Variants in FAM117B observed in about 807,000 individuals in gnomAD.
FAM117B encodes the protein family with sequence similarity 117 member B, also known as protein FAM117B.
A neutral mutation model predicts 52.8 loss-of-function variants in FAM117B; 22 were observed. The ratio of observed to expected loss-of-function variants is 0.42; its 90% confidence interval spans 0.30 to 0.59. The LOEUF (loss-of-function observed/expected upper bound fraction) is 0.59, where lower values mean the gene tolerates loss of function less well. Ranked by LOEUF, FAM117B falls within the 20% of genes least tolerant of loss-of-function variation. FAM117B has a pLI of 0.22. For missense variants in FAM117B, 678 were observed against 802.6 expected, an observed-to-expected ratio of 0.84 and a Z score of 1.88; for synonymous variants, 309 against 324.1, an observed-to-expected ratio of 0.95 and a Z score of 0.50.
intron 1 of FAM117B, among the ~76,000 whole-genome samples, chr2:202,676,180 A>G (rs552631300): frequency 6.6e-6 from 1 of 152,156 alleles, no homozygotes; most frequent in South Asian, 2.1e-4. Flanking sequence ...GTGGCCAACA[A>G]CAGTCAGCAC....
rs1219743876 is a variant in FAM117B, at chr2:202,644,053, G to GTTTTTTTTTTTTTTTT, written c.601+8275_601+8276insTTTTTTTTTTTTTTTT. Among the ~76,000 whole-genome samples, 9 of 60,154 alleles carry GTTTTTTTTTTTTTTTT rather than the reference G, an allele frequency of 1.5e-4. 1 individual carries two copies. The highest frequency in any genetic ancestry group is 4.8e-4 in the African/African-American group (6 of 12,566). 39.5% of individuals were successfully genotyped at this position (60,154 alleles called of 152,430 possible). ...ATGCTATACTACTGCTTTAGGAGCT[G>GTTTTTTTTTTTTTTTT]TTTTTTTTTTGTTTTTTTTTTTTTT... On this transcript the variant is annotated intron_variant, in intron 1 of 7. Transcript: ENST00000392238.
At chr2:202,650,624 C>A (rs938202730) in intron 1 of FAM117B, among the ~76,000 whole-genome samples, 4 of 152,122 alleles carry the variant, frequency 2.6e-5, no homozygotes, top group Non-Finnish European at 5.9e-5. Context: ...GTCCGAGTCC[C>A]AAAACCTTAA....
chr2:202,645,471 A>G (rs907208631), intron 1 of FAM117B, among the ~76,000 whole-genome samples: 1 of 144,386 alleles, frequency 6.9e-6, no homozygotes, highest in African/African-American at 2.6e-5. Flanking sequence ...TTGTATTTTT[A>G]GTAGAGACGG....
At chr2:202,700,708 A>G (rs1452282624) in intron 2 of FAM117B, among the ~76,000 whole-genome samples, 1 of 141,640 alleles carries the variant, frequency 7.1e-6, no homozygotes, top group East Asian at 2.0e-4. Context: ...TTTTTTTGAG[A>G]TGGAGTCTTG....
chr2:202,648,508 C>T (rs1689903245), intron 1 of FAM117B, among the ~76,000 whole-genome samples: 1 of 96,960 alleles, frequency 1.0e-5, no homozygotes, highest in South Asian at 3.2e-4. Flanking sequence ...CAGAGCGAGA[C>T]TCTGTCCCCA....
intron 2 of FAM117B, among the ~76,000 whole-genome samples, chr2:202,721,979 TATAAG>T (rs1308011126): frequency 6.6e-6 from 1 of 151,554 alleles, no homozygotes; most frequent in Non-Finnish European, 1.5e-5. Flanking sequence ...TAAAAATTCA[TATAAG>T]AGAAGCATCT....
At chr2:202,658,148 A>G (rs1022081503) in intron 1 of FAM117B, among the ~76,000 whole-genome samples, 1 of 152,168 alleles carries the variant, frequency 6.6e-6, no homozygotes, top group Non-Finnish European at 1.5e-5. Context: ...TGTTTTATGT[A>G]CAAGTATATT....
chr2:202,679,968 T>C (rs960158851), intron 1 of FAM117B, among the ~76,000 whole-genome samples: 5 of 152,116 alleles, frequency 3.3e-5, no homozygotes, highest in Admixed American at 3.3e-4. Context: ...GCTCAGAGAT[T>C]TAAAGGAAAA....
At chr2:202,702,929 C>T (rs1395063477) in intron 2 of FAM117B, among the ~76,000 whole-genome samples, 1 of 152,120 alleles carries the variant, frequency 6.6e-6, no homozygotes, top group African/African-American at 2.4e-5. Context: ...ACTTAATACA[C>T]TATAGTATAG....
At chr2:202,718,869 G>T (rs1016178349) in intron 2 of FAM117B, among the ~76,000 whole-genome samples, 16 of 152,104 alleles carry the variant, frequency 1.1e-4, no homozygotes, top group Non-Finnish European at 2.1e-4. Flanking sequence ...TCAAATTCTG[G>T]ATTAGATGCC....
chr2:202,644,074 T>TG (rs1369384676), intron 1 of FAM117B, among the ~76,000 whole-genome samples: 25 of 146,768 alleles, frequency 1.7e-4, no homozygotes, highest in African/African-American at 5.8e-4. Flanking sequence ...GTTTTTTTTT[T>TG]TTTTTTTTTT....
At chr2:202,663,739 A>G (rs1297677751) in intron 1 of FAM117B, among the ~76,000 whole-genome samples, 4 of 152,092 alleles carry the variant, frequency 2.6e-5, no homozygotes, top group African/African-American at 9.7e-5. Context: ...ACCCCCTGCC[A>G]CACCCAGCTA....
chr2:202,728,624 A>G (rs1464275570), intron 4 of FAM117B, among the ~76,000 whole-genome samples: 1 of 152,166 alleles, frequency 6.6e-6, no homozygotes, highest in Admixed American at 6.5e-5. Context: ...TTTTACTCCC[A>G]GTCCATATTT....
chr2:202,763,156 C>A (rs566983466), intron 7 of FAM117B, among the ~76,000 whole-genome samples: 1 of 150,802 alleles, frequency 6.6e-6, no homozygotes, highest in South Asian at 2.1e-4. Flanking sequence ...ACTGCAAGCT[C>A]CACCTCCCGG....
intron 1 of FAM117B, among the ~76,000 whole-genome samples, chr2:202,670,778 GA>G (rs1202486530): frequency 6.6e-6 from 1 of 152,192 alleles, no homozygotes; most frequent in Non-Finnish European, 1.5e-5. Flanking sequence ...GCATCCAGAA[GA>G]ATGAATTATT....
chr2:202,759,143 T>C (rs559861441), intron 6 of FAM117B, 90 bp from the exon 7 acceptor site: 1 of 1,422,446 alleles, frequency 7.0e-7, no homozygotes, highest in East Asian at 2.3e-5. Context: ...GTTCCTGCCC[T>C]CAAGTAGTTC....
chr2:202,650,124 TATCCTA>T, intron 1 of FAM117B, among the ~76,000 whole-genome samples: 1 of 152,334 alleles, frequency 6.6e-6, no homozygotes, highest in African/African-American at 2.4e-5. Flanking sequence ...CTTTTATATT[TATCCTA>T]ATTTCTACTA....
intron 4 of FAM117B, among the ~76,000 whole-genome samples, chr2:202,741,772 G>A (rs1452007463): frequency 3.9e-5 from 6 of 152,130 alleles, no homozygotes; most frequent in African/African-American, 9.6e-5. Context: ...TCCTGACCTC[G>A]TGATCCACCT....
intron 2 of FAM117B, among the ~76,000 whole-genome samples, chr2:202,703,480 G>C (rs1690825798): frequency 6.6e-6 from 1 of 152,164 alleles, no homozygotes; most frequent in Non-Finnish European, 1.5e-5. Flanking sequence ...CCAGCCTCCT[G>C]ATTAGCTAGG....
Sources: allele counts gnomAD v4.1 joint callset (sites outside exome capture counted in the v4.1 genomes callset), GRCh38; gene constraint gnomAD v4.1.1; transcripts MANE v1.5; gene names NCBI Gene and HGNC (gene_info 2026-07-23, HGNC 2026-07-21).